Variants in CLTC observed in about 807,000 individuals in gnomAD.
CLTC encodes clathrin heavy chain, also known as clathrin heavy chain 1.
Under a neutral mutation model 195.8 loss-of-function variants are expected in CLTC, and 16 were observed. The ratio of observed to expected loss-of-function variants is 0.08; its 90% CI spans 0.06 to 0.12. The LOEUF (loss-of-function observed/expected upper bound fraction) is 0.12. CLTC is among the 10% of genes least tolerant of loss of function. The pLI, the probability that CLTC is intolerant of heterozygous loss-of-function variation, is 1.00. For synonymous variants in CLTC, 667 were observed against 689.4 expected (o/e 0.97, Z 0.51); for missense variants, 796 against 2,027.0 (o/e 0.39, Z 11.66).
chr17:59,651,451 G>A lies in CLTC; in HGVS notation c.795+135G>A, dbSNP rs555049939. ...TTTTAAAGTTTATTAGTGAAGCTTT[G>A]TAAAATAATACCTTGGCTTTTCATG... On this transcript the variant is annotated intron_variant, in intron 5 of 31. Coordinates refer to ENST00000269122, the MANE Select transcript of CLTC (RefSeq NM_004859.4). 27 of 657,320 alleles carry A rather than the reference G, an allele frequency of 4.1e-5. 3 individuals are homozygous for A. In the South Asian group the frequency reaches 5.1e-4, roughly 12 times the overall value. 40.7% of individuals were successfully genotyped at this position (657,320 alleles called of 1,614,324 possible).
intron 1 of CLTC, among the ~76,000 whole-genome samples, chr17:59,632,299 C>T (rs1327938929): frequency 1.4e-5 from 2 of 144,976 alleles, no homozygotes; most frequent in Non-Finnish European, 1.5e-5. Context: ...ACCCAGGAGG[C>T]GGAGCTTGCA....
In CLTC at chr17:59,648,222, C is replaced by T. The variant is rs757827090; in HGVS notation, c.520-18C>T. Reference sequence around the variant, plus strand: ...GATTTATGGGTCTTCAAACGTTATTCTCTTTGATCCTTTATAGCAAAATCG... The same window carrying T: ...GATTTATGGGTCTTCAAACGTTATTTTCTTTGATCCTTTATAGCAAAATCG... On this transcript the variant is annotated intron_variant, in intron 3 of 31. Coordinates refer to ENST00000269122, the MANE Select transcript of CLTC (RefSeq NM_004859.4). This position sits in a 1 kb window ranked among gnomAD's most constrained non-coding sequence, Gnocchi z 4.5. 3 of 1,586,218 alleles carry T rather than the reference C, an allele frequency of 1.9e-6. No individual in the cohort carries two copies. Among genetic ancestry groups the T allele is most frequent in the South Asian group, 1.1e-5 (1 of 87,230 alleles).
rs571779052 is a variant in CLTC at position 59,654,019 on chromosome 17, C to T, written c.796-1835C>T. Among the ~76,000 whole-genome samples the T allele has an allele frequency of 2.6e-5, 4 of 151,410 alleles. No individual in the cohort carries two copies. In the South Asian group the frequency reaches 8.3e-4, roughly 32 times the overall value. ...AACTCCTGACCTCAAATGATCTGCC[C>T]ACCTTGGCCTCCCAAAGTGCTGGGA... On this transcript the variant is annotated intron_variant, in intron 5 of 31. Coordinates refer to ENST00000269122, the MANE Select transcript of CLTC (RefSeq NM_004859.4).
intron 5 of CLTC, among the ~76,000 whole-genome samples, chr17:59,655,651 G>C (rs1340750262): frequency 2.0e-5 from 3 of 152,146 alleles, no homozygotes; most frequent in African/African-American, 7.2e-5. Flanking sequence ...CCTCTTATCA[G>C]TTTCATGTTA....
In CLTC at chr17:59,660,334, G is replaced by C. The variant is rs906107446; in HGVS notation, c.970-57G>C. The C allele has an allele frequency of 1.8e-5, 26 of 1,444,568 alleles. 1 individual carries two copies. The highest frequency in any genetic ancestry group is 1.8e-4 in the Middle Eastern group (1 of 5,450). 89.5% of individuals were successfully genotyped at this position (1,444,568 alleles called of 1,614,324 possible). ...TATTAACCTGTTCTAAACAGATTTG[G>C]TATCATTTGTATCCAAATGAACACA... On this transcript the variant is annotated intron_variant, in intron 6 of 31. Coordinates refer to ENST00000269122, the MANE Select transcript of CLTC (RefSeq NM_004859.4).
chr17:59,630,913 T>C (rs2031693373), intron 1 of CLTC, among the ~76,000 whole-genome samples: 1 of 152,242 alleles, frequency 6.6e-6, no homozygotes, highest in African/African-American at 2.4e-5. Flanking sequence ...TCTAGATATA[T>C]ACTTAGAAGT....
At chr17:59,624,374 G>T (rs1349154191) in intron 1 of CLTC, among the ~76,000 whole-genome samples, 3 of 151,660 alleles carry the variant, frequency 2.0e-5, no homozygotes, top group African/African-American at 7.3e-5. Flanking sequence ...TAACAATGTG[G>T]TATAGTAGAC....
chr17:59,676,279 G>A (rs1422388190), intron 16 of CLTC, among the ~76,000 whole-genome samples: 1 of 152,194 alleles, frequency 6.6e-6, no homozygotes, highest in Non-Finnish European at 1.5e-5. Context: ...TTGATGGAGT[G>A]TTTATATGAC....
chr17:59,683,568 A>G lies in CLTC; in HGVS notation c.4191+32A>G, dbSNP rs778555283. ...ACTTTCTTCAGAAGATAAAGGATTC[A>G]GAAGGAGAAAGCTCATTAGGAAGTA... is the stretch of plus-strand genomic sequence containing the variant. On this transcript the variant is annotated intron_variant, in intron 26 of 31. Coordinates refer to ENST00000269122, the MANE Select transcript of CLTC (RefSeq NM_004859.4). This position sits in a 1 kb window ranked among gnomAD's most constrained non-coding sequence, Gnocchi z 6.1. 1.9e-6 allele frequency: 3 copies of G among 1,613,052 alleles called. No homozygotes were observed. The highest frequency in any genetic ancestry group is 2.5e-6 in the Non-Finnish European group (3 of 1,179,460).
rs2032919228 is a variant in CLTC at position 59,674,321 on chromosome 17, T to C, written c.2419-380T>C. 2.6e-5 allele frequency among the ~76,000 whole-genome samples: 4 copies of C among 152,312 alleles called. No individual in the cohort carries two copies. In the South Asian group the frequency reaches 8.3e-4, roughly 32 times the overall value. On this transcript the variant is annotated intron_variant, in intron 15 of 31. Transcript: ENST00000269122. Reference sequence around the variant, plus strand: ...TACAGATATTAGATAATTCACCTTCTAACTGTAGAAACAGGCAGTATTGCT... The same window carrying C: ...TACAGATATTAGATAATTCACCTTCCAACTGTAGAAACAGGCAGTATTGCT...
chr17:59,641,128 A>C (rs2032019239), intron 1 of CLTC, among the ~76,000 whole-genome samples: 1 of 151,446 alleles, frequency 6.6e-6, no homozygotes, highest in African/African-American at 2.4e-5. Flanking sequence ...AAAAAAAAAA[A>C]CAAAAAACTT....
intron 14 of CLTC, among the ~76,000 whole-genome samples, chr17:59,670,824 A>G (rs1445499239): frequency 6.6e-6 from 1 of 152,180 alleles, no homozygotes; most frequent in Non-Finnish European, 1.5e-5. Flanking sequence ...TAATCAGATG[A>G]AGATTTCCCC....
intron 1 of CLTC, among the ~76,000 whole-genome samples, chr17:59,641,675 T>G (rs2032040299): frequency 6.7e-6 from 1 of 148,952 alleles, no homozygotes; most frequent in Admixed American, 6.8e-5. Context: ...TTAAATAAAG[T>G]ATATCTATTC....
intron 1 of CLTC, among the ~76,000 whole-genome samples, chr17:59,627,018 C>T (rs2031572443): frequency 6.6e-6 from 1 of 152,118 alleles, no homozygotes; most frequent in Non-Finnish European, 1.5e-5. Flanking sequence ...CCCACCTCTG[C>T]TCCCTAAATA....
In CLTC at chr17:59,681,124, TTGGGAAGGAACAA is replaced by T; in HGVS notation, c.3065+68_3065+80del. 2 of 1,555,110 alleles carry T rather than the reference TTGGGAAGGAACAA, an allele frequency of 1.3e-6. No homozygotes were observed. The highest frequency in any genetic ancestry group is 2.4e-5 in the South Asian group (2 of 83,856). On this transcript the variant is annotated intron_variant, in intron 19 of 31. Transcript: ENST00000269122. The surrounding 1 kb of genome is among the most constrained non-coding windows in gnomAD (Gnocchi z 5.0). ...TTTAATAAATTATGGCCCATCAGTT[TTGGGAAGGAACAA>T]AAAGATCAGAGAAAGTTGCCTGAAT...
chr17:59,678,009 C>G (rs979429441), intron 17 of CLTC, among the ~76,000 whole-genome samples: 3 of 152,198 alleles, frequency 2.0e-5, no homozygotes, highest in Non-Finnish European at 4.4e-5. Flanking sequence ...CTCCCAGCCC[C>G]TGACAACCAC....
chr17:59,656,681 T>C (rs2032476176), intron 6 of CLTC, among the ~76,000 whole-genome samples: 1 of 145,524 alleles, frequency 6.9e-6, no homozygotes, highest in Admixed American at 6.8e-5. Flanking sequence ...TTTTTTTTTT[T>C]TTTTTTTCTT....
chr17:59,633,913 T>C (rs1209554540), intron 1 of CLTC, among the ~76,000 whole-genome samples: 1 of 152,134 alleles, frequency 6.6e-6, no homozygotes, highest in East Asian at 1.9e-4. Flanking sequence ...CAATAAGTAT[T>C]ATATATATTT....
intron 7 of CLTC, among the ~76,000 whole-genome samples, chr17:59,661,224 CA>C (rs1214663830): frequency 1.3e-5 from 2 of 150,984 alleles, no homozygotes; most frequent in Admixed American, 1.3e-4. Context: ...AACATTGAAC[CA>C]GGGGTATGAA....
Sources: gnomAD v4.1 joint callset for allele counts (sites outside exome capture counted in the v4.1 genomes callset) on GRCh38, gnomAD v4.1.1 for gene constraint, Gnocchi (gnomAD v3.1) non-coding constraint, MANE v1.5 for transcripts, NCBI Gene and HGNC (gene_info 2026-07-23, HGNC 2026-07-21) for gene names.